TMEM26: variants seen among roughly 807,000 people sequenced by gnomAD.
The protein encoded by TMEM26 is transmembrane protein 26.
A neutral mutation model predicts 28.8 loss-of-function variants in TMEM26; 38 were observed. That is an observed-to-expected ratio of 1.32 (90% CI 1.02 to 1.73). The LOEUF is 1.73. Ranked by LOEUF, TMEM26 falls within the 40% of genes most tolerant of loss-of-function variation. The pLI is 0.00. For missense variants in TMEM26, 518 were observed against 447.1 expected (o/e 1.16, Z -1.43); for synonymous variants, 227 against 182.9 (o/e 1.24, Z -1.95).
At chr10:61,430,301 T>C (rs1231688631) in intron 3 of TMEM26, among the ~76,000 whole-genome samples, 1 of 151,982 alleles carries the variant, frequency 6.6e-6, no homozygotes, top group African/African-American at 2.4e-5. Flanking sequence ...AAAATATGTT[T>C]TGGTGATAGG....
chr10:61,418,611 A>C (rs1839692487), intron 4 of TMEM26, among the ~76,000 whole-genome samples: 2 of 152,144 alleles, frequency 1.3e-5, no homozygotes. Flanking sequence ...TAATTTTACC[A>C]GTGACAGCTT....
chr10:61,431,370 A>G (rs1388153531), intron 2 of TMEM26, 38 bp from the exon 3 acceptor site: 3 of 1,452,326 alleles, frequency 2.1e-6, no homozygotes, highest in Non-Finnish European at 2.9e-6. Flanking sequence ...ATGGCAAAAA[A>G]TTAGCACAAT....
intron 3 of TMEM26, among the ~76,000 whole-genome samples, 181 bp from the exon 4 acceptor site, chr10:61,429,327 G>T (rs1267963683): frequency 7.2e-5 from 11 of 152,110 alleles, no homozygotes; most frequent in African/African-American, 2.6e-4. Context: ...AAAATAAAAA[G>T]CTAATATGGT....
intron 1 of TMEM26, among the ~76,000 whole-genome samples, chr10:61,449,374 C>T (rs1029964286): frequency 1.3e-5 from 2 of 152,142 alleles, no homozygotes; most frequent in South Asian, 2.1e-4. Context: ...CTCCAACTGG[C>T]GAGTTACTAG....
intron 2 of TMEM26, among the ~76,000 whole-genome samples, 163 bp from the exon 3 acceptor site, chr10:61,431,495 A>G (rs1361400292): frequency 2.0e-5 from 3 of 152,140 alleles, no homozygotes; most frequent in African/African-American, 7.2e-5. Context: ...CTGAGATTGA[A>G]AACCACTTTT....
chr10:61,430,642 A>G (rs374698617), intron 3 of TMEM26, among the ~76,000 whole-genome samples: 3 of 151,984 alleles, frequency 2.0e-5, no homozygotes, highest in Non-Finnish European at 4.4e-5. Flanking sequence ...GTTGATATAC[A>G]AAAGTTAATC....
At chr10:61,436,347 G>A (rs1209493916) in intron 1 of TMEM26, 99 bp from the exon 2 acceptor site, 9 of 650,370 alleles carry the variant, frequency 1.4e-5, no homozygotes, top group Middle Eastern at 4.3e-4. Flanking sequence ...CACATACTCC[G>A]ACCACATTGA....
Position 61,410,740 on chromosome 10 carries a change from T to C in TMEM26, c.689A>G (p.Asn230Ser). ...LQFPLDLAVQ[N>S]VVCPVSVTER... ...TGTCACAGACACAGGGCACACAACG[T>C]TCTGTACTGAAAACACAAGACAGAC... Residue 230 changes from asparagine to serine, a missense_variant, in exon 6 of 6, where the codon AAC becomes AGC. Physicochemically the swap from Asn to Ser is conservative, Grantham distance 46. Coordinates refer to ENST00000399298, the MANE Select transcript of TMEM26 (RefSeq NM_178505.8). The C allele has an allele frequency of 1.2e-6, 2 of 1,613,792 alleles. No individual in the cohort carries two copies. Among genetic ancestry groups the C allele is most frequent in the Non-Finnish European group, 1.7e-6 (2 of 1,179,824 alleles).
intron 5 of TMEM26, chr10:61,412,904 T>C (rs886165005): frequency 8.6e-6 from 11 of 1,282,252 alleles, no homozygotes; most frequent in African/African-American, 3.1e-5. Context: ...TAGGGGTTTA[T>C]GTTTTTATTA....
chr10:61,444,652 T>TAA (rs1589044508), intron 1 of TMEM26, among the ~76,000 whole-genome samples: 10 of 120,064 alleles, frequency 8.3e-5, no homozygotes, highest in East Asian at 4.8e-4. Context: ...CCCTCATAAT[T>TAA]TAAAAAAAAA....
intron 1 of TMEM26, among the ~76,000 whole-genome samples, chr10:61,443,047 G>A (rs2135330678): frequency 6.6e-6 from 1 of 152,156 alleles, no homozygotes. Flanking sequence ...CCTTCCCAAA[G>A]CCCTTTGCAT....
intron 2 of TMEM26, among the ~76,000 whole-genome samples, chr10:61,433,458 A>T (rs1033842688): frequency 6.6e-6 from 1 of 152,140 alleles, no homozygotes; most frequent in Non-Finnish European, 1.5e-5. Flanking sequence ...ATTAGCTTCA[A>T]AAATATTCCT....
At chr10:61,436,509 C>T (rs114655706) in intron 1 of TMEM26, among the ~76,000 whole-genome samples, 91 of 152,312 alleles carry the variant, frequency 6.0e-4, no homozygotes, top group African/African-American at 2.1e-3. Context: ...AATTAATAGA[C>T]ATTAATTTTG....
At chr10:61,429,749 A>T (rs1211410907) in intron 3 of TMEM26, among the ~76,000 whole-genome samples, 2 of 152,084 alleles carry the variant, frequency 1.3e-5, no homozygotes, top group Non-Finnish European at 1.5e-5. Context: ...TCCATAAGCC[A>T]GCAAGCAAAT....
intron 3 of TMEM26, 63 bp downstream of exon 3, chr10:61,431,156 T>C (rs940420503): frequency 3.8e-6 from 5 of 1,313,446 alleles, no homozygotes; most frequent in Non-Finnish European, 5.5e-6. Flanking sequence ...TAGCAGGTAA[T>C]TGAGGATTAT....
intron 1 of TMEM26, among the ~76,000 whole-genome samples, chr10:61,445,547 G>GTTTTTTTTTTTTTT (rs1564483971): frequency 6.6e-6 from 1 of 152,052 alleles, no homozygotes; most frequent in African/African-American, 2.4e-5. Flanking sequence ...TAGGTAATAG[G>GTTTTTTTTTTTTTT]TTTATATTCA....
At chr10:61,410,835 G>A (rs1348951893) in intron 5 of TMEM26, 89 bp from the exon 6 acceptor site, 4 of 1,212,466 alleles carry the variant, frequency 3.3e-6, no homozygotes, top group Non-Finnish European at 4.7e-6. Flanking sequence ...TAACAATGGG[G>A]ACTGTGCTAG....
At chr10:61,421,742 G>T (rs1839751825) in intron 4 of TMEM26, among the ~76,000 whole-genome samples, 1 of 152,140 alleles carries the variant, frequency 6.6e-6, no homozygotes, top group African/African-American at 2.4e-5. Flanking sequence ...CCAGCATCTT[G>T]GTTTTGGATT....
At chr10:61,423,612 C>T (rs1035762397) in intron 4 of TMEM26, among the ~76,000 whole-genome samples, 2 of 152,056 alleles carry the variant, frequency 1.3e-5, no homozygotes, top group African/African-American at 4.8e-5. Context: ...AGGGCCTTTG[C>T]CTCTGGTCCC....
Sources: allele counts gnomAD v4.1 joint callset (sites outside exome capture counted in the v4.1 genomes callset), GRCh38; gene constraint gnomAD v4.1.1; transcripts MANE v1.5; gene names NCBI Gene and HGNC (gene_info 2026-07-23, HGNC 2026-07-21).